EDA: variants seen among roughly 807,000 people sequenced by gnomAD.
EDA encodes ectodysplasin-A.
A neutral mutation model predicts 23.6 loss-of-function variants in EDA; 2 were observed. The observed-to-expected ratio is 0.08, with a 90% CI of 0.03 to 0.27. The LOEUF (loss-of-function observed/expected upper bound fraction) is 0.27, where lower values mean the gene tolerates loss of function less well. Ranked by LOEUF, EDA falls within the 10% of genes least tolerant of loss-of-function variation. The pLI is 1.00. For synonymous variants in EDA, 131 were observed against 132.0 expected (o/e 0.99, Z 0.05); for missense variants, 229 against 324.2 (o/e 0.71, Z 2.26).
chrX:69,617,695 G>A, intron 1 of EDA: 1 of 341,552 alleles, frequency 2.9e-6, no homozygotes, highest in East Asian at 8.2e-5. Context: ...ATCCTTTCGA[G>A]GTGGCTAAAG....
rs745977239 is a variant in EDA, at chrX:69,976,717, T to TTC, written c.502+19591_502+19592dup. 2.8e-5 allele frequency among the ~76,000 whole-genome samples: 3 copies of TTC among 108,943 alleles called. No individual in the cohort carries two copies. The East Asian group carries it at 8.6e-4, about 31-fold the overall frequency. 94.6% of individuals were successfully genotyped at this position (108,943 alleles called of 115,157 possible). ...AAGGTGGATCTATTTCTCTATAGGTTTCTCTCTGTTCTTAGGAAGAAATTC... is the reference window on the plus strand; with the variant it reads ...AAGGTGGATCTATTTCTCTATAGGTTTCTCTCTCTGTTCTTAGGAAGAAATTC... On this transcript the variant is annotated intron_variant, in intron 2 of 7. Coordinates refer to ENST00000374552, the MANE Select transcript of EDA (RefSeq NM_001399.5).
chrX:69,771,668 G>A (rs1169199794), intron 1 of EDA, among the ~76,000 whole-genome samples: 1 of 111,910 alleles, frequency 8.9e-6, no homozygotes, highest in African/African-American at 3.2e-5. Flanking sequence ...GAATTTTATT[G>A]TATGTGAATT....
intron 1 of EDA, among the ~76,000 whole-genome samples, chrX:69,638,537 T>C (rs1318374344): frequency 1.8e-5 from 2 of 112,249 alleles, no homozygotes; most frequent in Non-Finnish European, 3.8e-5. Context: ...TGGGGCTTGA[T>C]AACTGTGCAA....
chrX:69,812,964 A>G (rs2147504830), intron 1 of EDA, among the ~76,000 whole-genome samples: 1 of 111,564 alleles, frequency 9.0e-6, no homozygotes, highest in African/African-American at 3.3e-5. Flanking sequence ...AGATGATGAA[A>G]CTGTGTGTTC....
intron 1 of EDA, among the ~76,000 whole-genome samples, chrX:69,676,657 C>T (rs1482920936): frequency 1.8e-5 from 2 of 110,744 alleles, no homozygotes; most frequent in East Asian, 5.7e-4. Flanking sequence ...CAGATCTCCT[C>T]TTCCAGCCTC....
intron 1 of EDA, among the ~76,000 whole-genome samples, chrX:69,696,239 C>A (rs868659072): frequency 5.9e-4 from 53 of 89,792 alleles, no homozygotes; most frequent in Admixed American, 8.7e-4. Flanking sequence ...AACTCTGTCT[C>A]AAAAAAAAAA....
intron 2 of EDA, among the ~76,000 whole-genome samples, chrX:69,973,621 A>G (rs1467070004): frequency 9.0e-6 from 1 of 111,658 alleles, no homozygotes; most frequent in Non-Finnish European, 1.9e-5. Context: ...GAGAATTGTG[A>G]GTTCCTAGAT....
intron 1 of EDA, among the ~76,000 whole-genome samples, chrX:69,621,822 C>A (rs1932191090): frequency 9.0e-6 from 1 of 111,254 alleles, no homozygotes; most frequent in African/African-American, 3.3e-5. Flanking sequence ...CTCACTGCAG[C>A]CATAACCTCC....
intron 1 of EDA, among the ~76,000 whole-genome samples, chrX:69,721,577 C>T (rs1452857797): frequency 2.7e-5 from 3 of 110,955 alleles, no homozygotes; most frequent in Non-Finnish European, 5.7e-5. Context: ...CCAATTGATC[C>T]ACCGTGCTGG....
chrX:70,027,137 C>A (rs1192170712), intron 3 of EDA, among the ~76,000 whole-genome samples: 3 of 112,100 alleles, frequency 2.7e-5, no homozygotes, highest in Admixed American at 9.4e-5. Context: ...ACCCATAGGT[C>A]TAATCACTTG....
At chrX:69,695,009 T>A (rs2011284897) in intron 1 of EDA, among the ~76,000 whole-genome samples, 1 of 112,288 alleles carries the variant, frequency 8.9e-6, no homozygotes, top group Admixed American at 9.4e-5. Context: ...TTTGATTTTG[T>A]GAAGTTTGTC....
intron 4 of EDA, among the ~76,000 whole-genome samples, chrX:70,029,226 T>A (rs767688737): frequency 8.9e-6 from 1 of 112,799 alleles, no homozygotes; most frequent in African/African-American, 3.2e-5. Context: ...TCTCTCATTG[T>A]TCTCCATGGG....
intron 1 of EDA, among the ~76,000 whole-genome samples, chrX:69,785,129 T>A (rs1310792645): frequency 9.7e-6 from 1 of 102,662 alleles, no homozygotes; most frequent in Non-Finnish European, 2.0e-5. Context: ...TTGTGATTTT[T>A]GTACATTGAT....
intron 1 of EDA, among the ~76,000 whole-genome samples, chrX:69,895,625 T>C (rs1004107762): frequency 3.6e-5 from 4 of 112,098 alleles, no homozygotes; most frequent in African/African-American, 1.3e-4. Flanking sequence ...TAAATGTTGT[T>C]CTGACAAACT....
rs1195759702 is a variant in EDA at position 70,035,757 on chromosome X, C to T, written c.*148C>T. 1.3e-6 allele frequency: 1 copy of T among 746,438 alleles called. No homozygotes were observed. The allele number at this position is 746,438 out of a possible 1,213,427, so 61.5% of individuals were successfully genotyped here. On this transcript the variant is annotated 3_prime_UTR_variant, in exon 8 of 8. Transcript: ENST00000374552. ...AGTGTTATTTATTCCCCAGTGACTCCAGGGTGACAAGGCCTGCTTGACTTT... is the reference window on the plus strand; with the variant it reads ...AGTGTTATTTATTCCCCAGTGACTCTAGGGTGACAAGGCCTGCTTGACTTT...
intron 3 of EDA, among the ~76,000 whole-genome samples, chrX:70,024,614 C>A (rs1372468694): frequency 8.9e-6 from 1 of 112,733 alleles, no homozygotes; most frequent in Non-Finnish European, 1.9e-5. Context: ...AGGCTTTAAA[C>A]ATTTACTTTG....
chrX:69,894,453 G>T (rs1225575793), intron 1 of EDA, among the ~76,000 whole-genome samples: 1 of 111,765 alleles, frequency 8.9e-6, no homozygotes, highest in Non-Finnish European at 1.9e-5. Flanking sequence ...AATATCATTG[G>T]TAGTTTGATA....
intron 1 of EDA, among the ~76,000 whole-genome samples, chrX:69,690,380 T>C (rs1464133921): frequency 9.0e-6 from 1 of 111,518 alleles, no homozygotes; most frequent in Non-Finnish European, 1.9e-5. Context: ...TGTCAACGTT[T>C]TTCCATGTGT....
chrX:70,016,205 A>G (rs1338112871), intron 2 of EDA, among the ~76,000 whole-genome samples: 2 of 111,737 alleles, frequency 1.8e-5, no homozygotes, highest in African/African-American at 6.5e-5. Context: ...TATGTACCCA[A>G]CACAGGAGTA....
Sources: gnomAD v4.1 joint callset for allele counts (sites outside exome capture counted in the v4.1 genomes callset) on GRCh38, gnomAD v4.1.1 for gene constraint, MANE v1.5 for transcripts, NCBI Gene and HGNC (gene_info 2026-07-23, HGNC 2026-07-21) for gene names.